RBFOX1: variants seen among roughly 807,000 people sequenced by gnomAD.
RBFOX1 encodes RNA binding fox-1 homolog 1, also known as RNA binding protein fox-1 homolog 1.
In RBFOX1, 8 loss-of-function variants were observed where a neutral mutation model predicts 57.7. That is an observed-to-expected ratio of 0.14 (90% CI 0.08 to 0.25). The LOEUF (loss-of-function observed/expected upper bound fraction) is 0.25, where lower values mean the gene tolerates loss of function less well. Ranked by LOEUF, RBFOX1 falls within the 10% of genes least tolerant of loss-of-function variation. The pLI is 1.00. For missense variants in RBFOX1, 611 were observed against 548.5 expected (o/e 1.11, Z -1.14); for synonymous variants, 326 against 222.4 (o/e 1.47, Z -4.15).
At chr16:6,630,912 G>A (rs541343439) in intron 2 of RBFOX1, among the ~76,000 whole-genome samples, 1 of 152,232 alleles carries the variant, frequency 6.6e-6, no homozygotes, top group African/African-American at 2.4e-5. Context: ...CTTTATTTGA[G>A]TACATTAGAC....
chr16:6,211,563 A>G (rs2097298279), intron 1 of RBFOX1, among the ~76,000 whole-genome samples: 1 of 152,096 alleles, frequency 6.6e-6, no homozygotes, highest in African/African-American at 2.4e-5. Flanking sequence ...CATGTGTTAG[A>G]ATGGTTTTAG....
rs550660903 is a variant in RBFOX1 at position 6,671,759 on chromosome 16, C to A, written c.-16+17109C>A. On this transcript the variant is annotated intron_variant, in intron 3 of 15. Transcript: ENST00000550418. ...GTTACTTCAATTAGAATAACAGTTTCCAGTCCCATCCAGGTTGCTGTGAAT... is the reference window on the plus strand; with the variant it reads ...GTTACTTCAATTAGAATAACAGTTTACAGTCCCATCCAGGTTGCTGTGAAT... Among the ~76,000 whole-genome samples the A allele has an allele frequency of 7.6e-4, 115 of 152,304 alleles. 1 individual carries two copies. The highest frequency in any genetic ancestry group is 7.2e-3 in the Admixed American group (110 of 15,306).
At chr16:7,339,928 C>T (rs996996978) in intron 4 of RBFOX1, among the ~76,000 whole-genome samples, 1 of 152,228 alleles carries the variant, frequency 6.6e-6, no homozygotes, top group African/African-American at 2.4e-5. Context: ...CACTCACAAG[C>T]ACACCATGTC....
chr16:6,399,287 T>C (rs1472673415), intron 2 of RBFOX1, among the ~76,000 whole-genome samples: 1 of 152,216 alleles, frequency 6.6e-6, no homozygotes, highest in Non-Finnish European at 1.5e-5. Flanking sequence ...CATGAAGGTG[T>C]CTAACATGCC....
chr16:5,859,646 A>G (rs1343775905), intron 3 of RBFOX1, among the ~76,000 whole-genome samples: 1 of 151,960 alleles, frequency 6.6e-6, no homozygotes. Flanking sequence ...GGAGGATAAA[A>G]CTCTGCCTAC....
rs138993843 is a variant in RBFOX1 at position 6,286,866 on chromosome 16, A to T, written c.-126-30129A>T. 4.7e-4 allele frequency among the ~76,000 whole-genome samples: 72 copies of T among 152,308 alleles called. 1 individual carries two copies. In the East Asian group the frequency reaches 0.013, roughly 28 times the overall value. The stretch of plus-strand genomic sequence containing the variant: ...TCCTTCTCTATCTCCCTGCACTAGA[A>T]TGCAACATCTGTAAGAACAAGGATT... On this transcript the variant is annotated intron_variant, in intron 1 of 15. Transcript: ENST00000550418.
intron 3 of RBFOX1, among the ~76,000 whole-genome samples, chr16:6,852,574 A>G (rs904010186): frequency 6.6e-6 from 1 of 152,206 alleles, no homozygotes; most frequent in Non-Finnish European, 1.5e-5. Context: ...CTGTCCAGGA[A>G]AGGTGCATGT....
chr16:6,667,215 G>C (rs2098738517), intron 3 of RBFOX1, among the ~76,000 whole-genome samples: 1 of 152,132 alleles, frequency 6.6e-6, no homozygotes, highest in South Asian at 2.1e-4. Flanking sequence ...AACGACAGAT[G>C]ATGAGAAGCT....
intron 3 of RBFOX1, among the ~76,000 whole-genome samples, chr16:5,735,380 G>A (rs576967098): frequency 2.4e-4 from 37 of 152,258 alleles, no homozygotes; most frequent in Admixed American, 5.9e-4. Context: ...TCTGAATTCC[G>A]TCCTCACAGA....
intron 3 of RBFOX1, among the ~76,000 whole-genome samples, chr16:6,680,747 A>G (rs996178085): frequency 5.3e-5 from 8 of 152,154 alleles, no homozygotes; most frequent in African/African-American, 1.9e-4. Context: ...TTTGTGTTTT[A>G]TCTTTGTAAG....
intron 3 of RBFOX1, among the ~76,000 whole-genome samples, chr16:6,997,008 A>T (rs80122859): frequency 2.2e-4 from 33 of 152,262 alleles, no homozygotes; most frequent in African/African-American, 4.6e-4. Context: ...ATACATATGT[A>T]TATGTATATA....
chr16:5,851,036 C>T (rs910906945), intron 3 of RBFOX1, among the ~76,000 whole-genome samples: 1 of 152,218 alleles, frequency 6.6e-6, no homozygotes, highest in African/African-American at 2.4e-5. Context: ...TCCAGCCTCC[C>T]TGTGGGAGTG....
At chr16:7,573,691 A>G (rs1295353861) in intron 5 of RBFOX1, among the ~76,000 whole-genome samples, 1 of 152,104 alleles carries the variant, frequency 6.6e-6, no homozygotes, top group Non-Finnish European at 1.5e-5. Context: ...AAAATGAGCC[A>G]GGCACAGTGG....
At chr16:5,356,988 C>T (rs2151328243) in intron 1 of RBFOX1, among the ~76,000 whole-genome samples, 1 of 152,280 alleles carries the variant, frequency 6.6e-6, no homozygotes, top group South Asian at 2.1e-4. Flanking sequence ...GGTACTATTA[C>T]TTATTTCCAT....
intron 3 of RBFOX1, among the ~76,000 whole-genome samples, chr16:6,820,943 T>G (rs924552274): frequency 6.6e-6 from 1 of 152,212 alleles, no homozygotes; most frequent in African/African-American, 2.4e-5. Context: ...TGAATGATAA[T>G]TAAAGCTACC....
chr16:7,366,125 A>T (rs954173518), intron 4 of RBFOX1, among the ~76,000 whole-genome samples: 1 of 150,142 alleles, frequency 6.7e-6, no homozygotes, highest in Non-Finnish European at 1.5e-5. Context: ...TGGCACAGAC[A>T]TGGCAGCTGA....
intron 4 of RBFOX1, among the ~76,000 whole-genome samples, chr16:7,233,592 G>A (rs1247060924): frequency 1.3e-5 from 2 of 152,160 alleles, no homozygotes; most frequent in Non-Finnish European, 2.9e-5. Flanking sequence ...TGGTGGTATA[G>A]TCTGGGGAAT....
chr16:5,609,091 A>G (rs922456016), intron 3 of RBFOX1, among the ~76,000 whole-genome samples: 3 of 152,182 alleles, frequency 2.0e-5, no homozygotes, highest in East Asian at 3.9e-4. Flanking sequence ...AGGGAGTTCA[A>G]TATTCTCAGT....
At chr16:7,289,040 A>T (rs1213004316) in intron 4 of RBFOX1, among the ~76,000 whole-genome samples, 1 of 152,222 alleles carries the variant, frequency 6.6e-6, no homozygotes, top group South Asian at 2.1e-4. Context: ...TGTTTTCACT[A>T]AAAAGATCAT....
Sources: allele counts gnomAD v4.1 joint callset (sites outside exome capture counted in the v4.1 genomes callset), GRCh38; gene constraint gnomAD v4.1.1; transcripts MANE v1.5; gene names NCBI Gene and HGNC (gene_info 2026-07-23, HGNC 2026-07-21).